RIPOR2: variants seen among roughly 807,000 people sequenced by gnomAD.
The protein encoded by RIPOR2 is RHO family interacting cell polarization regulator 2.
RIPOR2 carries 39 observed loss-of-function variants against 114.5 expected under a neutral mutation model. The ratio of observed to expected loss-of-function variants is 0.34; its 90% CI spans 0.26 to 0.44. RIPOR2 has a LOEUF of 0.44. RIPOR2 is among the 20% of genes least tolerant of loss of function. RIPOR2 has a pLI of 1.00. For missense variants in RIPOR2, 1,007 were observed against 1,255.1 expected (o/e 0.80, Z 2.99); for synonymous variants, 445 against 484.4 (o/e 0.92, Z 1.07).
At chr6:25,027,733 C>G (rs1207352098) in intron 1 of RIPOR2, among the ~76,000 whole-genome samples, 2 of 152,244 alleles carry the variant, frequency 1.3e-5, no homozygotes, top group African/African-American at 2.4e-5. Context: ...ACCCTCTTCT[C>G]TACCTCAGCC....
At chr6:24,935,779 G>T in intron 1 of RIPOR2, 59 bp downstream of exon 1, 2 of 1,235,268 alleles carry the variant, frequency 1.6e-6, no homozygotes, top group Non-Finnish European at 2.3e-6. Flanking sequence ...AAAGTGTCCA[G>T]TGGTGTCAAA....
intron 1 of RIPOR2, among the ~76,000 whole-genome samples, chr6:25,011,132 A>G (rs935894829): frequency 6.6e-6 from 1 of 152,240 alleles, no homozygotes; most frequent in African/African-American, 2.4e-5. Flanking sequence ...TCATTGGAAA[A>G]GAAGAATTTG....
intron 1 of RIPOR2, among the ~76,000 whole-genome samples, chr6:24,912,460 C>A (rs1375842835): frequency 9.5e-6 from 1 of 105,610 alleles, no homozygotes; most frequent in Non-Finnish European, 1.8e-5. Flanking sequence ...GATCCCTTGC[C>A]CCCCCCCTTT....
At chr6:24,848,704 A>C (rs2113766340) in intron 11 of RIPOR2, among the ~76,000 whole-genome samples, 1 of 152,296 alleles carries the variant, frequency 6.6e-6, no homozygotes, top group East Asian at 1.9e-4. Flanking sequence ...ATGATCTTGC[A>C]TGTGAGACAT....
chr6:24,974,230 A>T (rs758245675), intron 1 of RIPOR2, among the ~76,000 whole-genome samples: 1 of 152,086 alleles, frequency 6.6e-6, no homozygotes, highest in Non-Finnish European at 1.5e-5. Context: ...CAAGGAAAAA[A>T]ATAAGATTAG....
intron 1 of RIPOR2, among the ~76,000 whole-genome samples, chr6:25,022,013 A>G (rs1300892292): frequency 6.6e-6 from 1 of 151,970 alleles, no homozygotes; most frequent in African/African-American, 2.4e-5. Flanking sequence ...CATTAAACTT[A>G]AAAAAAATGG....
chr6:24,850,094 T>TTTA, intron 10 of RIPOR2, 144 bp from the exon 11 acceptor site: 1 of 630,740 alleles, frequency 1.6e-6, no homozygotes, highest in Non-Finnish European at 2.5e-6. Context: ...CATTTTTCTT[T>TTTA]TTCTTTTTTT....
In RIPOR2 at chr6:24,804,629, C is replaced by T. The variant is rs1220569331; in HGVS notation, c.*1744G>A. On this transcript the variant is annotated 3_prime_UTR_variant, in exon 22 of 22. Coordinates refer to ENST00000643898, the MANE Select transcript of RIPOR2 (RefSeq NM_001286445.3). The stretch of plus-strand genomic sequence containing the variant: ...ATATTTATAAATATACAGATATGTA[C>T]ACGATAAGTTCACAGTTGAAAGAAC... The T allele has an allele frequency of 6.6e-6, 1 of 152,068 alleles. No individual in the cohort carries two copies. 9.4% of individuals were successfully genotyped at this position (152,068 alleles called of 1,614,324 possible). A position where few individuals can be genotyped will look rare whatever the true frequency, so the allele number is the denominator to read the frequency against.
At chr6:24,869,044 A>C (rs1179482967) in intron 6 of RIPOR2, 50 bp downstream of exon 6, 1 of 1,104,738 alleles carries the variant, frequency 9.1e-7, no homozygotes, top group Non-Finnish European at 1.4e-6. Context: ...GGTGTATTTG[A>C]TTAGCAACAG....
intron 5 of RIPOR2, 137 bp from the exon 6 acceptor site, chr6:24,869,284 G>T: frequency 3.8e-6 from 2 of 524,100 alleles, no homozygotes; most frequent in South Asian, 2.9e-5. Flanking sequence ...TATCTTTGAA[G>T]CTATTTTAGA....
At chr6:24,885,752 A>C (rs1026449184) in intron 1 of RIPOR2, among the ~76,000 whole-genome samples, 1 of 147,750 alleles carries the variant, frequency 6.8e-6, no homozygotes, top group Non-Finnish European at 1.5e-5. Flanking sequence ...TATACATAAG[A>C]CCTGGTATGT....
At chr6:24,988,970 TTG>T (rs1391060890) in intron 1 of RIPOR2, among the ~76,000 whole-genome samples, 2 of 152,170 alleles carry the variant, frequency 1.3e-5, no homozygotes, top group Non-Finnish European at 2.9e-5. Context: ...AGATTTTAAT[TTG>T]TGTTATTAAT....
At chr6:24,870,627 C>G (rs1765064985) in intron 5 of RIPOR2, among the ~76,000 whole-genome samples, 1 of 152,208 alleles carries the variant, frequency 6.6e-6, no homozygotes, top group Non-Finnish European at 1.5e-5. Flanking sequence ...CCACCTCAGC[C>G]TCCTGGGTAG....
chr6:24,884,675 T>C (rs569701578), intron 1 of RIPOR2, among the ~76,000 whole-genome samples: 46 of 152,328 alleles, frequency 3.0e-4, no homozygotes, highest in South Asian at 2.7e-3. Context: ...CCTCACACTG[T>C]ATCTGTAGAG....
At chr6:24,915,634 A>T (rs965684742) in intron 1 of RIPOR2, among the ~76,000 whole-genome samples, 3 of 152,176 alleles carry the variant, frequency 2.0e-5, no homozygotes, top group Non-Finnish European at 4.4e-5. Context: ...AAGTGCTAGG[A>T]TTACAGGTGT....
intron 1 of RIPOR2, among the ~76,000 whole-genome samples, chr6:24,979,046 A>G (rs544102526): frequency 2.8e-4 from 43 of 152,318 alleles, no homozygotes; most frequent in African/African-American, 1.0e-3. Flanking sequence ...TCTCTATTTC[A>G]TGAACTACTT....
At chr6:25,038,779 A>G (rs1253818938) in intron 1 of RIPOR2, among the ~76,000 whole-genome samples, 1 of 152,252 alleles carries the variant, frequency 6.6e-6, no homozygotes, top group African/African-American at 2.4e-5. Context: ...TAAAAAATGT[A>G]TGTTGTTTTA....
At chr6:24,818,415 G>T (rs763253742) in intron 20 of RIPOR2, 127 bp downstream of exon 20, 8 of 494,144 alleles carry the variant, frequency 1.6e-5, no homozygotes, top group South Asian at 4.3e-5. Context: ...ACTAACATAC[G>T]GTGCAAAGAA....
intron 1 of RIPOR2, chr6:24,976,325 A>T (rs1443709661): frequency 8.2e-6 from 7 of 858,268 alleles, no homozygotes; most frequent in Non-Finnish European, 1.3e-5. Context: ...TTGTGTTTTT[A>T]AAAATGACTA....
Sources: allele counts gnomAD v4.1 joint callset (sites outside exome capture counted in the v4.1 genomes callset), GRCh38; gene constraint gnomAD v4.1.1; transcripts MANE v1.5; gene names NCBI Gene and HGNC (gene_info 2026-07-23, HGNC 2026-07-21).